Variants in POTEF observed in about 807,000 individuals in gnomAD.
The protein encoded by POTEF is ANKRD26-like family C member 1B.
A neutral mutation model predicts 83.2 loss-of-function variants in POTEF; 20 were observed. That is an observed-to-expected ratio of 0.24 (90% CI 0.17 to 0.35). POTEF has a LOEUF of 0.35. Ranked by LOEUF, POTEF falls within the 10% of genes least tolerant of loss-of-function variation. The probability of loss-of-function intolerance (pLI) is 1.00; values close to 1 mark genes in which losing one functional copy is unlikely to be tolerated. For missense variants in POTEF, 550 were observed against 1,203.2 expected (o/e 0.46, Z 8.03); for synonymous variants, 196 against 446.4 (o/e 0.44, Z 7.07).
At chr2:130,110,083 T>C (rs1414105624) in intron 7 of POTEF, among the ~76,000 whole-genome samples, 2 of 151,414 alleles carry the variant, frequency 1.3e-5, no homozygotes, top group East Asian at 1.9e-4. Context: ...TCCTCCTCCT[T>C]CTGACTTGAT....
At chr2:130,115,458 A>C (rs573827503) in intron 3 of POTEF, 130 bp from the exon 4 acceptor site, 50 of 1,079,512 alleles carry the variant, frequency 4.6e-5, no homozygotes, top group Non-Finnish European at 1.3e-6. Context: ...TAACTTTCCC[A>C]TGAAAAAAGC....
In POTEF at chr2:130,098,964, T is replaced by A. The variant is rs575274352; in HGVS notation, c.1409+506A>T. Among the ~76,000 whole-genome samples, 18 of 74,120 alleles carry A rather than the reference T, an allele frequency of 2.4e-4. 4 individuals carry two copies. The East Asian group carries it at 4.7e-3, about 19-fold the overall frequency. The allele number at this position is 74,120 out of a possible 152,430, so 48.6% of individuals were successfully genotyped here. A position where few individuals can be genotyped will look rare whatever the true frequency, so the allele number is the denominator to read the frequency against. On this transcript the variant is annotated intron_variant, in intron 11 of 16. Transcript: ENST00000409914. Reference sequence around the variant, plus strand: ...GAGGCCATTATCCTAAGCAAACTAATGCAGGAACAGAAGATCAAATGCCAC... The same window carrying A: ...GAGGCCATTATCCTAAGCAAACTAAAGCAGGAACAGAAGATCAAATGCCAC...
At chr2:130,121,505 C>A (rs1439806617) in intron 2 of POTEF, among the ~76,000 whole-genome samples, 1 of 80,900 alleles carries the variant, frequency 1.2e-5, no homozygotes. Flanking sequence ...GCCCACCGAG[C>A]CCAGGGCCTG....
chr2:130,117,224 A>C (rs1339031815), intron 3 of POTEF, among the ~76,000 whole-genome samples: 1 of 151,894 alleles, frequency 6.6e-6, no homozygotes, highest in Non-Finnish European at 1.5e-5. Context: ...TTATGTAATA[A>C]AATGTATATA....
chr2:130,126,324 A>G (rs1685091897), intron 2 of POTEF, among the ~76,000 whole-genome samples: 2 of 146,418 alleles, frequency 1.4e-5, no homozygotes, highest in South Asian at 4.3e-4. Flanking sequence ...AAAAAAAAAA[A>G]GAAAGAAAAC....
In POTEF at chr2:130,075,313, C is replaced by T. The variant is rs571977776; in HGVS notation, c.2159G>A (p.Gly720Asp). The T allele has an allele frequency of 6.2e-7, 1 of 1,612,702 alleles. No homozygotes were observed. Among genetic ancestry groups the T allele is most frequent in the African/African-American group, 1.3e-5 (1 of 74,886 alleles). Residue 720 changes from glycine (G) to aspartate (D), a missense_variant, in exon 17 of 17, where the codon GGC becomes GAC. Gly to Asp is a moderately conservative substitution (Grantham distance 94). Coordinates refer to ENST00000409914, the MANE Select transcript of POTEF (RefSeq NM_001099771.2). Reference sequence around the variant, plus strand: ...CCGGGGGGCATCGTCGCCCGCAAAGCCGGCCTTGCACATGCCAGAGCCGTT... The same window carrying T: ...CCGGGGGGCATCGTCGCCCGCAAAGTCGGCCTTGCACATGCCAGAGCCGTT... ...IDNGSGMCKA[G>D]FAGDDAPRAV... is the part of the protein sequence containing the mutation.
intron 3 of POTEF, among the ~76,000 whole-genome samples, chr2:130,118,006 T>C (rs1684886737): frequency 6.6e-6 from 1 of 151,490 alleles, no homozygotes; most frequent in African/African-American, 2.4e-5. Flanking sequence ...AGTGGCGCGA[T>C]CTCGGCTCAC....
intron 3 of POTEF, among the ~76,000 whole-genome samples, chr2:130,119,051 A>G (rs1684924126): frequency 6.6e-6 from 1 of 152,044 alleles, no homozygotes; most frequent in Non-Finnish European, 1.5e-5. Context: ...CCATTCTGTT[A>G]CAAAAAATTA....
In POTEF at chr2:130,075,407, T is replaced by G; in HGVS notation, c.2065A>C (p.Asn689His). 10 of 1,611,654 alleles carry G rather than the reference T, an allele frequency of 6.2e-6. No individual in the cohort carries two copies. Among genetic ancestry groups the G allele is most frequent in the Non-Finnish European group, 8.5e-6 (10 of 1,179,714 alleles). The change falls in exon 17 of 17, where the codon AAT becomes CAT. Residue 689 changes from asparagine to histidine, a missense_variant. Transcript: ENST00000409914. ...DIESVKKRND[N>H]LLKALQLNEL... ...TTCAATTGTAGAGCCTTTAAAAGAT[T>G]ATCATTCCTTTTTTTCACACTTTCA... is the stretch of plus-strand genomic sequence containing the variant.
At chr2:130,116,043 G>A (rs1006519364) in intron 3 of POTEF, among the ~76,000 whole-genome samples, 2 of 152,144 alleles carry the variant, frequency 1.3e-5, no homozygotes, top group Admixed American at 6.5e-5. Context: ...GGTCCGGGGC[G>A]GTTCCAGTCA....
chr2:130,107,637 C>T, intron 8 of POTEF: 1 of 296,884 alleles, frequency 3.4e-6, no homozygotes, highest in Admixed American at 4.9e-5. Context: ...GCATTAGATA[C>T]TCATTGGAGC....
At position 130,074,174 on chromosome 2, in the gene POTEF, A is replaced by ATCTCATGTTGTTTTCTGAGAT; in HGVS notation, c.*69_*70insATCTCAGAAAACAACATGAGA. ...CAAGAAAACAAATAAAGCCATGCCAATCTCATGTTGTTTTCTGAGAAGTTT... is the reference window on the plus strand; with the variant it reads ...CAAGAAAACAAATAAAGCCATGCCAATCTCATGTTGTTTTCTGAGATTCTCATGTTGTTTTCTGAGAAGTTT... On this transcript the variant is annotated 3_prime_UTR_variant, in exon 17 of 17. Coordinates refer to ENST00000409914, the MANE Select transcript of POTEF (RefSeq NM_001099771.2). 6.8e-7 allele frequency: 1 copy of ATCTCATGTTGTTTTCTGAGAT among 1,470,106 alleles called. No homozygotes were observed. Among genetic ancestry groups the ATCTCATGTTGTTTTCTGAGAT allele is most frequent in the South Asian group, 1.3e-5 (1 of 75,350 alleles). 91.1% of individuals were successfully genotyped at this position (1,470,106 alleles called of 1,614,324 possible).
chr2:130,118,986 A>C (rs1684921495), intron 3 of POTEF, among the ~76,000 whole-genome samples: 1 of 151,714 alleles, frequency 6.6e-6, no homozygotes, highest in Non-Finnish European at 1.5e-5. Context: ...GTTAGTAAAC[A>C]ATTTGTGGAA....
chr2:130,115,066 A>G lies in POTEF; in HGVS notation c.637-12T>C. The G allele has an allele frequency of 6.6e-7, 1 of 1,504,578 alleles. No individual in the cohort carries two copies. The highest frequency in any genetic ancestry group is 8.9e-7 in the Non-Finnish European group (1 of 1,126,888). 93.2% of individuals were successfully genotyped at this position (1,504,578 alleles called of 1,614,324 possible). On this transcript the variant is annotated splice_polypyrimidine_tract_variant and intron_variant, in intron 4 of 16. Coordinates refer to ENST00000409914, the MANE Select transcript of POTEF (RefSeq NM_001099771.2). ...TGGCATTGTACGGCCTGTCAGTATT[A>G]GACCAAAAACAAATTACAAATCTTA...
intron 2 of POTEF, 170 bp from the exon 3 acceptor site, chr2:130,120,778 A>C: frequency 2.1e-5 from 13 of 631,346 alleles, no homozygotes; most frequent in African/African-American, 2.0e-5. Context: ...CCCCCAAGAA[A>C]ACACCCAGCC....
rs1237274748 is a variant in POTEF at position 130,127,738 on chromosome 2, T to TCGGA, written c.-124_-123insTCCG. On this transcript the variant is annotated 5_prime_UTR_variant, in exon 2 of 17. The change abolishes the stop of an existing upstream ORF in the 5' untranslated region. Transcript: ENST00000409914. Reference sequence around the variant, plus strand: ...CCTGTCGAGCTGCAGTCTCCGTGGCTGCCATCAGTCACACGAGGCGAGCTG... The same window carrying TCGGA: ...CCTGTCGAGCTGCAGTCTCCGTGGCTCGGAGCCATCAGTCACACGAGGCGAGCTG... The TCGGA allele has an allele frequency of 6.6e-6, 1 of 151,788 alleles. No individual in the cohort carries two copies. The highest frequency in any genetic ancestry group is 1.5e-5 in the Non-Finnish European group (1 of 67,798). The allele number at this position is 151,788 out of a possible 1,614,324, so 9.4% of individuals were successfully genotyped here.
At chr2:130,101,371 G>C (rs1684368272) in intron 9 of POTEF, among the ~76,000 whole-genome samples, 1 of 147,502 alleles carries the variant, frequency 6.8e-6, no homozygotes. Context: ...AGTGGATAAA[G>C]ATTTTTTAAC....
chr2:130,113,936 A>AAGAGAAGAACAGGGTCT (rs1684776528), intron 5 of POTEF, among the ~76,000 whole-genome samples: 1 of 151,904 alleles, frequency 6.6e-6, no homozygotes, highest in South Asian at 2.1e-4. Context: ...TTTCCCCGGT[A>AAGAGAAGAACAGGGTCT]AGAGAAGAAC....
In POTEF at chr2:130,104,843, G is replaced by A. The variant is rs565992428; in HGVS notation, c.1127-2663C>T. 6.9e-4 allele frequency among the ~76,000 whole-genome samples: 104 copies of A among 151,270 alleles called. 1 individual carries two copies. Among genetic ancestry groups the A allele is most frequent in the African/African-American group, 2.4e-3 (97 of 40,824 alleles). On this transcript the variant is annotated intron_variant, in intron 8 of 16. Transcript: ENST00000409914. ...ATTTATCATCAACTTTCAGATTCTT[G>A]GATCTTTGACAAGTCTTATTAGTGA...
Sources: gnomAD v4.1 joint callset for allele counts (sites outside exome capture counted in the v4.1 genomes callset) on GRCh38, gnomAD v4.1.1 for gene constraint, MANE v1.5 for transcripts, NCBI Gene and HGNC (gene_info 2026-07-23, HGNC 2026-07-21) for gene names.